AKAP6: variants seen among roughly 807,000 people sequenced by gnomAD.
AKAP6 encodes A-kinase anchor protein 6.
In AKAP6, 58 loss-of-function variants were observed where a neutral mutation model predicts 188.5. The ratio of observed to expected loss-of-function variants is 0.31; its 90% CI spans 0.25 to 0.38. AKAP6 has a LOEUF of 0.38. AKAP6 is among the 10% of genes least tolerant of loss of function. The pLI is 1.00. For synonymous variants in AKAP6, 989 were observed against 998.6 expected (o/e 0.99, Z 0.18); for missense variants, 2,710 against 2,740.0 (o/e 0.99, Z 0.24).
At chr14:32,698,859 A>C (rs924307936) in intron 9 of AKAP6, among the ~76,000 whole-genome samples, 1 of 152,156 alleles carries the variant, frequency 6.6e-6, no homozygotes, top group Non-Finnish European at 1.5e-5. Context: ...TGAAACTTCT[A>C]AGGGAGATCT....
At position 32,580,357 on chromosome 14, in the gene AKAP6, G is replaced by T. The variant is rs562434868; in HGVS notation, c.2469+3115G>T. The stretch of plus-strand genomic sequence containing the variant: ...AAATATCATTCTGGAAAGGTATTTT[G>T]CAAGTGTTGAACATTCCCTCTTCTT... On this transcript the variant is annotated intron_variant, in intron 5 of 13. Coordinates refer to ENST00000280979, the MANE Select transcript of AKAP6 (RefSeq NM_004274.5). Among the ~76,000 whole-genome samples, 10 of 152,040 alleles carry T rather than the reference G, an allele frequency of 6.6e-5. No individual in the cohort carries two copies. The East Asian group carries it at 1.9e-3, about 29-fold the overall frequency.
intron 12 of AKAP6, among the ~76,000 whole-genome samples, chr14:32,790,210 T>A (rs2033566648): frequency 6.6e-6 from 1 of 152,058 alleles, no homozygotes; most frequent in African/African-American, 2.4e-5. Context: ...CTCTGAGAAA[T>A]ATGAGATTAT....
chr14:32,629,132 C>A (rs904281003), intron 7 of AKAP6, among the ~76,000 whole-genome samples: 1 of 152,004 alleles, frequency 6.6e-6, no homozygotes, highest in Non-Finnish European at 1.5e-5. Context: ...GGGTAGTGAA[C>A]AATTTCATAA....
At chr14:32,479,761 C>T (rs1447639900) in intron 2 of AKAP6, among the ~76,000 whole-genome samples, 2 of 147,712 alleles carry the variant, frequency 1.4e-5, no homozygotes, top group Non-Finnish European at 3.0e-5. Flanking sequence ...GACCCCTTGC[C>T]TTTCTGTCAC....
At chr14:32,512,360 A>G (rs1881302621) in intron 2 of AKAP6, among the ~76,000 whole-genome samples, 1 of 152,224 alleles carries the variant, frequency 6.6e-6, no homozygotes, top group African/African-American at 2.4e-5. Context: ...CAATCTAAGT[A>G]AGCAATGAGT....
chr14:32,346,788 G>A (rs544032455), intron 1 of AKAP6, among the ~76,000 whole-genome samples: 1 of 152,194 alleles, frequency 6.6e-6, no homozygotes, highest in South Asian at 2.1e-4. Flanking sequence ...GATTACAGGC[G>A]TGAGCCACCG....
chr14:32,380,209 TC>T (rs1188991689), intron 1 of AKAP6, among the ~76,000 whole-genome samples: 2 of 152,210 alleles, frequency 1.3e-5, no homozygotes, highest in Admixed American at 1.3e-4. Context: ...TGTCTGTGTA[TC>T]CTTCAAGACT....
At chr14:32,674,810 C>G (rs1205079394) in intron 7 of AKAP6, among the ~76,000 whole-genome samples, 3 of 152,052 alleles carry the variant, frequency 2.0e-5, no homozygotes, top group Non-Finnish European at 4.4e-5. Context: ...GCATTTAAAG[C>G]CATGGAAGAG....
intron 2 of AKAP6, among the ~76,000 whole-genome samples, chr14:32,471,058 C>T (rs1194017769): frequency 1.3e-5 from 2 of 152,074 alleles, no homozygotes; most frequent in African/African-American, 4.8e-5. Context: ...ATGTAATAAA[C>T]CAAATTTATA....
At chr14:32,618,055 A>G (rs1489461323) in intron 7 of AKAP6, among the ~76,000 whole-genome samples, 2 of 152,250 alleles carry the variant, frequency 1.3e-5, no homozygotes, top group African/African-American at 4.8e-5. Flanking sequence ...AGCTAGAACA[A>G]TTAAATAAAA....
intron 2 of AKAP6, among the ~76,000 whole-genome samples, chr14:32,502,201 T>C (rs971617083): frequency 6.6e-6 from 1 of 152,158 alleles, no homozygotes; most frequent in Non-Finnish European, 1.5e-5. Flanking sequence ...GTGCTCTTAA[T>C]GGTGAAATTA....
chr14:32,661,528 G>T (rs938897450), intron 7 of AKAP6, among the ~76,000 whole-genome samples: 1 of 152,108 alleles, frequency 6.6e-6, no homozygotes, highest in Non-Finnish European at 1.5e-5. Context: ...TTAAGTCCAA[G>T]ACTCATAAGA....
chr14:32,797,527 T>G (rs1322014648), intron 12 of AKAP6, among the ~76,000 whole-genome samples: 1 of 152,074 alleles, frequency 6.6e-6, no homozygotes, highest in East Asian at 1.9e-4. Context: ...AAACCAAACA[T>G]TGCATGTTCT....
chr14:32,477,483 G>A (rs1879128430), intron 2 of AKAP6, among the ~76,000 whole-genome samples: 1 of 152,148 alleles, frequency 6.6e-6, no homozygotes, highest in South Asian at 2.1e-4. Flanking sequence ...GGAAAGCTGA[G>A]ATTGGGGTTC....
intron 11 of AKAP6, among the ~76,000 whole-genome samples, chr14:32,761,883 G>T (rs2032552021): frequency 6.6e-6 from 1 of 151,970 alleles, no homozygotes; most frequent in South Asian, 2.1e-4. Flanking sequence ...AGGTAGCTAG[G>T]ATCAACAAAT....
intron 4 of AKAP6, among the ~76,000 whole-genome samples, chr14:32,569,272 T>C (rs1019660087): frequency 3.9e-5 from 6 of 152,252 alleles, no homozygotes; most frequent in African/African-American, 1.4e-4. Flanking sequence ...GCCTTCTCAT[T>C]CAACCTTTAG....
At chr14:32,656,662 A>G (rs1888468029) in intron 7 of AKAP6, among the ~76,000 whole-genome samples, 1 of 152,118 alleles carries the variant, frequency 6.6e-6, no homozygotes. Flanking sequence ...CTCATAGGCA[A>G]TTGTTTTAAA....
At chr14:32,354,850 T>C (rs1173477648) in intron 1 of AKAP6, among the ~76,000 whole-genome samples, 1 of 152,074 alleles carries the variant, frequency 6.6e-6, no homozygotes, top group Non-Finnish European at 1.5e-5. Context: ...CTAGTGTCCT[T>C]TTGCCTTCTG....
At chr14:32,477,200 A>G (rs1879113039) in intron 2 of AKAP6, among the ~76,000 whole-genome samples, 1 of 152,154 alleles carries the variant, frequency 6.6e-6, no homozygotes, top group Non-Finnish European at 1.5e-5. Flanking sequence ...TTTCTGAAAA[A>G]CAACTCACAT....
Sources: gnomAD v4.1 joint callset for allele counts (sites outside exome capture counted in the v4.1 genomes callset) on GRCh38, gnomAD v4.1.1 for gene constraint, MANE v1.5 for transcripts, NCBI Gene and HGNC (gene_info 2026-07-23, HGNC 2026-07-21) for gene names.